CLDN14: variants seen among roughly 807,000 people sequenced by gnomAD.
The protein encoded by CLDN14 is claudin 14, also known as claudin-14.
A neutral mutation model predicts 2.1 loss-of-function variants in CLDN14; 2 were observed. The observed-to-expected ratio is 0.96, with a 90% CI of 0.39 to 3.01. The LOEUF is 3.01. CLDN14 is among the 30% of genes most tolerant of loss of function. CLDN14 has a pLI of 0.09. For synonymous variants in CLDN14, 136 were observed against 154.4 expected (o/e 0.88, Z 0.88); for missense variants, 298 against 328.0 (o/e 0.91, Z 0.71).
chr21:36,510,964 T>G (rs1010724705), intron 1 of CLDN14, among the ~76,000 whole-genome samples: 1 of 152,240 alleles, frequency 6.6e-6, no homozygotes, highest in Non-Finnish European at 1.5e-5. Context: ...GTAGATATGT[T>G]TTCTTCTGAT....
At chr21:36,500,058 C>A (rs1448226268) in intron 2 of CLDN14, among the ~76,000 whole-genome samples, 3 of 152,202 alleles carry the variant, frequency 2.0e-5, no homozygotes, top group South Asian at 2.1e-4. Flanking sequence ...CACCCTGGGG[C>A]AACTCAGGCA....
At chr21:36,483,473 C>G (rs1260350029), upstream of CLDN14, among the ~76,000 whole-genome samples, 1 of 152,228 alleles carries the variant, frequency 6.6e-6, no homozygotes, top group Non-Finnish European at 1.5e-5. Context: ...GTCACAGGGT[C>G]TGTGTCCAGT....
chr21:36,477,220 C>G (rs556262995), intron 1 of CLDN14, among the ~76,000 whole-genome samples: 1 of 152,218 alleles, frequency 6.6e-6, no homozygotes, highest in East Asian at 1.9e-4. Context: ...GCCTGTGAAG[C>G]TGTCCCTGCC....
At chr21:36,501,034 G>T (rs1472021209) in intron 2 of CLDN14, among the ~76,000 whole-genome samples, 1 of 152,238 alleles carries the variant, frequency 6.6e-6, no homozygotes, top group African/African-American at 2.4e-5. Flanking sequence ...CACCCGGGGG[G>T]TGCGGCTCAG....
At chr21:36,482,883 G>A (rs1186160616), upstream of CLDN14, among the ~76,000 whole-genome samples, 1 of 152,188 alleles carries the variant, frequency 6.6e-6, no homozygotes, top group East Asian at 1.9e-4. Flanking sequence ...AATCACAATT[G>A]TCCTGAACAC....
In CLDN14 at chr21:36,498,280, C is replaced by T. The variant is rs2146473430; in HGVS notation, c.-82+12083G>A. ...CCTCCCAAAGTGCTGGGATTATAGA[C>T]ATGAGCCACTGCGCCCAGACAGGAA... is the stretch of plus-strand genomic sequence containing the variant. On this transcript the variant is annotated intron_variant, in intron 2 of 2. Coordinates refer to the CLDN14 transcript ENST00000342108. The surrounding 1 kb of genome is among the most constrained non-coding windows in gnomAD (Gnocchi z 4.9). Among the ~76,000 whole-genome samples, 1 of 152,294 alleles carries T rather than the reference C, an allele frequency of 6.6e-6. No homozygotes were observed. The highest frequency in any genetic ancestry group is 2.4e-5 in the African/African-American group (1 of 41,564).
intron 1 of CLDN14, among the ~76,000 whole-genome samples, chr21:36,518,551 A>T (rs1015294550): frequency 6.6e-6 from 1 of 152,204 alleles, no homozygotes; most frequent in Non-Finnish European, 1.5e-5. Context: ...GTGAGCCAAG[A>T]TCATGCCACT....
chr21:36,492,154 G>T (rs1170967799), intron 2 of CLDN14, among the ~76,000 whole-genome samples: 1 of 124,846 alleles, frequency 8.0e-6, no homozygotes, highest in Non-Finnish European at 1.6e-5. Flanking sequence ...AAATGCAAGG[G>T]CCGGGCGCGG....
At chr21:36,510,159 CCAAGACATT>C (rs2087172622) in intron 2 of CLDN14, among the ~76,000 whole-genome samples, 1 of 152,188 alleles carries the variant, frequency 6.6e-6, no homozygotes. Flanking sequence ...CTGAGCTGAT[CCAAGACATT>C]CTTCCACCCG....
In CLDN14 at chr21:36,497,394, GAA is replaced by G. The variant is rs1260870651; in HGVS notation, c.-82+12967_-82+12968del. On this transcript the variant is annotated intron_variant, in intron 2 of 2. Transcript: ENST00000342108. ...GGGAGGGAGGGAGGGAGGGAGGAAGGAAGGGAGGGAGGGAGGGAGGAAGGGAG... is the reference window on the plus strand; with the variant it reads ...GGGAGGGAGGGAGGGAGGGAGGAAGGGGGAGGGAGGGAGGGAGGAAGGGAG... 5.0e-4 allele frequency among the ~76,000 whole-genome samples: 32 copies of G among 63,426 alleles called. 12 individuals carry two copies. The highest frequency in any genetic ancestry group is 1.8e-3 in the East Asian group (4 of 2,224). The allele number at this position is 63,426 out of a possible 152,430, so 41.6% of individuals were successfully genotyped here.
chr21:36,546,191 T>C (rs777323306), intron 1 of CLDN14, among the ~76,000 whole-genome samples: 3 of 152,236 alleles, frequency 2.0e-5, no homozygotes, highest in Admixed American at 1.3e-4. Flanking sequence ...TTTCACTAAA[T>C]TGCATGTTAG....
At chr21:36,566,718 C>T (rs2087675476) in intron 1 of CLDN14, among the ~76,000 whole-genome samples, 1 of 152,216 alleles carries the variant, frequency 6.6e-6, no homozygotes, top group Admixed American at 6.5e-5. Context: ...ATGTGCACAT[C>T]AAGACAAAAC....
At chr21:36,506,474 G>C (rs868034841) in intron 2 of CLDN14, among the ~76,000 whole-genome samples, 15 of 152,196 alleles carry the variant, frequency 9.9e-5, no homozygotes, top group Non-Finnish European at 2.1e-4. Context: ...ATGGATGTCT[G>C]TAATCCCAGC....
At chr21:36,467,597 T>C (rs1188574059) in intron 1 of CLDN14, among the ~76,000 whole-genome samples, 1 of 151,728 alleles carries the variant, frequency 6.6e-6, no homozygotes, top group Non-Finnish European at 1.5e-5. Context: ...AGTTCTTCTT[T>C]GGTAAAGGCG....
chr21:36,497,596 A>G (rs1417454198), intron 2 of CLDN14, among the ~76,000 whole-genome samples: 1 of 152,050 alleles, frequency 6.6e-6, no homozygotes, highest in Non-Finnish European at 1.5e-5. Flanking sequence ...TCCAACTTCA[A>G]AGGTTTTGCA....
intron 1 of CLDN14, among the ~76,000 whole-genome samples, chr21:36,515,313 T>TTGA (rs1446452904): frequency 1.3e-5 from 2 of 152,150 alleles, no homozygotes; most frequent in Admixed American, 1.3e-4. Context: ...TCAATGTCCA[T>TTGA]CGATGGGTGA....
chr21:36,478,964 C>A (rs2086810925), intron 1 of CLDN14, among the ~76,000 whole-genome samples: 1 of 152,078 alleles, frequency 6.6e-6, no homozygotes, highest in Admixed American at 6.5e-5. Context: ...TGAGAGAGAT[C>A]TATCACTTCC....
intron 2 of CLDN14, among the ~76,000 whole-genome samples, chr21:36,490,509 C>T (rs2086950614): frequency 6.6e-6 from 1 of 151,548 alleles, no homozygotes; most frequent in Non-Finnish European, 1.5e-5. Context: ...CTGCCTCAGC[C>T]TCCCAAGTAG....
intron 2 of CLDN14, among the ~76,000 whole-genome samples, chr21:36,497,441 A>G (rs1172868002): frequency 7.0e-6 from 1 of 142,760 alleles, no homozygotes; most frequent in Non-Finnish European, 1.5e-5. Context: ...CGGCAGGCAC[A>G]CGCACACAGG....
Sources: allele counts gnomAD v4.1 joint callset (sites outside exome capture counted in the v4.1 genomes callset), GRCh38; gene constraint gnomAD v4.1.1; non-coding constraint Gnocchi (gnomAD v3.1); transcripts MANE v1.5; gene names NCBI Gene and HGNC (gene_info 2026-07-23, HGNC 2026-07-21).